PTPRD: variants seen among roughly 807,000 people sequenced by gnomAD.
PTPRD encodes the protein protein tyrosine phosphatase receptor type D.
In PTPRD, 34 loss-of-function variants were observed where a neutral mutation model predicts 214.5. The ratio of observed to expected loss-of-function variants is 0.16; its 90% CI spans 0.12 to 0.21. The LOEUF is 0.21. Ranked by LOEUF, PTPRD falls within the 10% of genes least tolerant of loss-of-function variation. The pLI is 1.00. For synonymous variants in PTPRD, 1,128 were observed against 845.7 expected (o/e 1.33, Z -5.79); for missense variants, 2,545 against 2,398.7 (o/e 1.06, Z -1.27).
At chr9:8,856,110 G>A (rs563739280) in intron 11 of PTPRD, among the ~76,000 whole-genome samples, 2 of 152,320 alleles carry the variant, frequency 1.3e-5, no homozygotes, top group Non-Finnish European at 2.9e-5. Context: ...TTTTGCTATA[G>A]TGTCTGTAGC....
chr9:10,425,570 C>T (rs1189555951), intron 2 of PTPRD, among the ~76,000 whole-genome samples: 1 of 151,984 alleles, frequency 6.6e-6, no homozygotes, highest in Non-Finnish European at 1.5e-5. Context: ...TAATATCATG[C>T]TCATACTAAA....
rs535028109 is a variant in PTPRD at position 9,229,669 on chromosome 9, A to G, written c.-202-46306T>C. 1.2e-4 allele frequency among the ~76,000 whole-genome samples: 18 copies of G among 152,280 alleles called. No individual in the cohort carries two copies. In the East Asian group the frequency reaches 2.9e-3, roughly 25 times the overall value. On this transcript the variant is annotated intron_variant, in intron 9 of 45. Coordinates refer to ENST00000381196, the MANE Select transcript of PTPRD (RefSeq NM_002839.4). ...CAACTCCCCAAAATCAAATAAGACT[A>G]TCTTAGGAGAGACAAAGCTGGGCTG...
intron 9 of PTPRD, among the ~76,000 whole-genome samples, chr9:9,231,047 G>A (rs1305632507): frequency 6.6e-6 from 1 of 151,764 alleles, no homozygotes; most frequent in African/African-American, 2.4e-5. Context: ...ATCTGTGTAT[G>A]TCTGTCGGGG....
intron 2 of PTPRD, among the ~76,000 whole-genome samples, chr9:10,520,947 A>G (rs1028611657): frequency 6.6e-6 from 1 of 151,532 alleles, no homozygotes; most frequent in African/African-American, 2.4e-5. Context: ...CCAAGGTGCA[A>G]GAAGATTAAT....
intron 14 of PTPRD, among the ~76,000 whole-genome samples, chr9:8,542,499 T>C (rs1291203885): frequency 6.6e-6 from 1 of 152,236 alleles, no homozygotes; most frequent in Non-Finnish European, 1.5e-5. Flanking sequence ...AGGAGAATTA[T>C]CAGGGATGGC....
rs761859777 is a variant in PTPRD at position 8,494,007 on chromosome 9, G to GACAC, written c.2350-1032_2350-1029dup. 6.2e-3 allele frequency among the ~76,000 whole-genome samples: 570 copies of GACAC among 91,606 alleles called. 3 individuals carry two copies. Among genetic ancestry groups the GACAC allele is most frequent in the Middle Eastern group, 0.02 (4 of 200 alleles). The allele number at this position is 91,606 out of a possible 152,430, so 60.1% of individuals were successfully genotyped here. A position where few individuals can be genotyped will look rare whatever the true frequency, so the allele number is the denominator to read the frequency against. On this transcript the variant is annotated intron_variant, in intron 26 of 45. Transcript: ENST00000381196. ...ACACACAGACACACACAGACACACA[G>GACAC]ACACACACACACACACACACACACA...
In PTPRD at chr9:9,825,537, T is replaced by C. The variant is rs189674458; in HGVS notation, c.-367-58686A>G. ...GCAGTCAGTGCATATAGACACTGCA[T>C]ACTGTAGTCTCTGACTTTTAACCAT... On this transcript the variant is annotated intron_variant, in intron 5 of 45. Transcript: ENST00000381196. 1.4e-4 allele frequency among the ~76,000 whole-genome samples: 22 copies of C among 152,104 alleles called. No individual in the cohort carries two copies. In the Middle Eastern group the frequency reaches 0.01, roughly 71 times the overall value.
At chr9:9,875,372 A>C (rs1467997962) in intron 5 of PTPRD, among the ~76,000 whole-genome samples, 1 of 151,960 alleles carries the variant, frequency 6.6e-6, no homozygotes, top group Admixed American at 6.6e-5. Flanking sequence ...ACTCTGGCTC[A>C]AAAACAAAAA....
At chr9:8,773,687 T>C (rs1027697447) in intron 11 of PTPRD, among the ~76,000 whole-genome samples, 2 of 152,228 alleles carry the variant, frequency 1.3e-5, no homozygotes, top group African/African-American at 4.8e-5. Context: ...CCAAGCTCTT[T>C]ACATTGATTT....
At chr9:10,165,051 A>G (rs2099150974) in intron 3 of PTPRD, among the ~76,000 whole-genome samples, 1 of 151,686 alleles carries the variant, frequency 6.6e-6, no homozygotes, top group South Asian at 2.1e-4. Flanking sequence ...TAATTAGAAG[A>G]TGTAGGAAAT....
At chr9:8,626,869 A>C (rs1422496592) in intron 14 of PTPRD, among the ~76,000 whole-genome samples, 1 of 151,672 alleles carries the variant, frequency 6.6e-6, no homozygotes, top group Non-Finnish European at 1.5e-5. Flanking sequence ...GGCCTCATTA[A>C]TAATGTCAGC....
intron 4 of PTPRD, among the ~76,000 whole-genome samples, chr9:9,959,575 G>GA (rs1313628977): frequency 1.3e-5 from 2 of 152,136 alleles, no homozygotes; most frequent in African/African-American, 2.4e-5. Flanking sequence ...ACAAATATAT[G>GA]AAAAACCTCA....
chr9:10,548,960 G>C (rs2181159), intron 2 of PTPRD, among the ~76,000 whole-genome samples: 1 of 152,200 alleles, frequency 6.6e-6, no homozygotes, highest in East Asian at 1.9e-4. Flanking sequence ...GAAAATAAGA[G>C]AAAAAAATTG....
At chr9:10,096,456 T>C (rs1363974320) in intron 3 of PTPRD, among the ~76,000 whole-genome samples, 1 of 151,990 alleles carries the variant, frequency 6.6e-6, no homozygotes, top group Non-Finnish European at 1.5e-5. Context: ...TGGTATCTCA[T>C]TGTGGTTTTG....
At chr9:10,085,018 T>C (rs1467846823) in intron 3 of PTPRD, among the ~76,000 whole-genome samples, 1 of 151,898 alleles carries the variant, frequency 6.6e-6, no homozygotes, top group African/African-American at 2.4e-5. Context: ...AATATCAATG[T>C]CTTTTAAAGT....
At chr9:10,055,949 AATAAG>A (rs2097634904) in intron 3 of PTPRD, among the ~76,000 whole-genome samples, 1 of 150,524 alleles carries the variant, frequency 6.6e-6, no homozygotes, top group Non-Finnish European at 1.5e-5. Context: ...AGGAAAGAGA[AATAAG>A]ATAAAGTAGC....
intron 35 of PTPRD, among the ~76,000 whole-genome samples, chr9:8,429,753 A>G (rs1389184985): frequency 6.6e-6 from 1 of 152,220 alleles, no homozygotes; most frequent in African/African-American, 2.4e-5. Context: ...GTCCACATCC[A>G]GAGACGGCAG....
chr9:8,749,491 G>A (rs772205178), intron 11 of PTPRD, among the ~76,000 whole-genome samples: 1 of 152,144 alleles, frequency 6.6e-6, no homozygotes, highest in Non-Finnish European at 1.5e-5. Context: ...ACCAGGTGAA[G>A]TTTGGATTTT....
chr9:9,080,976 T>A (rs1436476871), intron 10 of PTPRD, among the ~76,000 whole-genome samples: 1 of 152,074 alleles, frequency 6.6e-6, no homozygotes, highest in Non-Finnish European at 1.5e-5. Context: ...TTAAAGGGTT[T>A]TTCATGTCTC....
Sources: allele counts gnomAD v4.1 joint callset (sites outside exome capture counted in the v4.1 genomes callset), GRCh38; gene constraint gnomAD v4.1.1; transcripts MANE v1.5; gene names NCBI Gene and HGNC (gene_info 2026-07-23, HGNC 2026-07-21).